CSGALNACT1: variants seen among roughly 807,000 people sequenced by gnomAD.
CSGALNACT1 encodes chondroitin sulfate N-acetylgalactosaminyltransferase 1.
CSGALNACT1 carries 52 observed loss-of-function variants against 51.0 expected under a neutral mutation model. That is an observed-to-expected ratio of 1.02 (90% CI 0.82 to 1.29). CSGALNACT1 has a LOEUF of 1.29. CSGALNACT1 is among the 50% of genes most tolerant of loss of function. CSGALNACT1 has a pLI of 0.00. For missense variants in CSGALNACT1, 935 were observed against 679.2 expected, an observed-to-expected ratio of 1.38 and a Z score of -4.19; for synonymous variants, 341 against 254.4, an observed-to-expected ratio of 1.34 and a Z score of -3.24.
At chr8:19,545,628 T>C (rs2086283132) in intron 3 of CSGALNACT1, among the ~76,000 whole-genome samples, 1 of 151,902 alleles carries the variant, frequency 6.6e-6, no homozygotes, top group Non-Finnish European at 1.5e-5. Flanking sequence ...AATGAATGAG[T>C]ATGCTAAAAA....
At chr8:19,424,456 C>T (rs927727129) in intron 6 of CSGALNACT1, among the ~76,000 whole-genome samples, 1 of 152,108 alleles carries the variant, frequency 6.6e-6, no homozygotes, top group Non-Finnish European at 1.5e-5. Context: ...CTGATAATTA[C>T]CAAGACCCTC....
intron 1 of CSGALNACT1, among the ~76,000 whole-genome samples, chr8:19,619,258 T>A (rs148356650): frequency 5.4e-5 from 5 of 92,654 alleles, no homozygotes; most frequent in East Asian, 4.4e-4. Flanking sequence ...CGGGGGGGGG[T>A]GGGCCTTGAA....
At chr8:19,508,788 T>A (rs938769837) in intron 3 of CSGALNACT1, among the ~76,000 whole-genome samples, 13 of 152,224 alleles carry the variant, frequency 8.5e-5, no homozygotes, top group African/African-American at 3.1e-4. Flanking sequence ...TCTAATAAAA[T>A]GGTTGTATTT....
Position 19,623,213 on chromosome 8 carries a change from T to C in CSGALNACT1, c.-543-21348A>G, listed in dbSNP as rs548749177. On this transcript the variant is annotated intron_variant, in intron 1 of 9. Coordinates refer to the CSGALNACT1 transcript ENST00000332246. ...AAGAACCACTGTCATCAGATTGATA[T>C]AGCAATTCTAAAGCTGTATGCATAT... 1.5e-3 allele frequency among the ~76,000 whole-genome samples: 222 copies of C among 152,300 alleles called. 2 individuals carry two copies. Among genetic ancestry groups the C allele is most frequent in the African/African-American group, 5.1e-3 (212 of 41,562 alleles).
chr8:19,658,648 C>T (rs1235889822), intron 1 of CSGALNACT1, among the ~76,000 whole-genome samples: 2 of 152,110 alleles, frequency 1.3e-5, no homozygotes, highest in African/African-American at 4.8e-5. Flanking sequence ...GCACGAGAAT[C>T]ACTTGAACCT....
intron 4 of CSGALNACT1, among the ~76,000 whole-genome samples, chr8:19,475,278 A>G (rs2153887626): frequency 6.6e-6 from 1 of 152,246 alleles, no homozygotes; most frequent in African/African-American, 2.4e-5. Context: ...ATGCAGTAAG[A>G]CCTGAAGCTG....
At chr8:19,442,561 G>T (rs1376863065) in intron 5 of CSGALNACT1, among the ~76,000 whole-genome samples, 1 of 146,626 alleles carries the variant, frequency 6.8e-6, no homozygotes, top group Non-Finnish European at 1.5e-5. Flanking sequence ...CACACTCTGG[G>T]GACTGTTGTG....
chr8:19,509,615 C>A (rs1374284905), intron 3 of CSGALNACT1, among the ~76,000 whole-genome samples: 1 of 104,266 alleles, frequency 9.6e-6, no homozygotes, highest in East Asian at 2.7e-4. Flanking sequence ...GTGCAAGACT[C>A]TGTCTCAAAA....
rs796252853 is a variant in CSGALNACT1 at position 19,487,186 on chromosome 8, C to T, written c.634+18015G>A. On this transcript the variant is annotated intron_variant, in intron 4 of 9. Transcript: ENST00000454498. ...AAGCTTTTGCTTTAACATTTACTCA[C>T]ATTCTGCTCCAGAGACTCATATGTC... Among the ~76,000 whole-genome samples the T allele has an allele frequency of 2.6e-5, 4 of 152,334 alleles. No individual in the cohort carries two copies. In the East Asian group the frequency reaches 5.8e-4, roughly 22 times the overall value.
intron 1 of CSGALNACT1, among the ~76,000 whole-genome samples, chr8:19,636,764 C>T (rs1003609943): frequency 1.3e-5 from 2 of 152,110 alleles, no homozygotes; most frequent in Admixed American, 6.5e-5. Flanking sequence ...TTCCTTCTCC[C>T]GAGTTTTGTA....
At chr8:19,586,373 A>T (rs1479042699) in intron 3 of CSGALNACT1, among the ~76,000 whole-genome samples, 1 of 151,494 alleles carries the variant, frequency 6.6e-6, no homozygotes, top group African/African-American at 2.4e-5. Flanking sequence ...AACACAAACA[A>T]AAACACAGTG....
intron 3 of CSGALNACT1, among the ~76,000 whole-genome samples, chr8:19,548,640 A>G (rs755238152): frequency 4.4e-4 from 67 of 152,342 alleles, no homozygotes; most frequent in Non-Finnish European, 2.1e-4. Context: ...GATTTATTTT[A>G]ACTTTTATCA....
intron 4 of CSGALNACT1, among the ~76,000 whole-genome samples, chr8:19,480,607 A>G (rs114022738): frequency 0.011 from 1,702 of 152,226 alleles, 32 homozygotes; most frequent in African/African-American, 0.039. Flanking sequence ...CAATAGAACA[A>G]TTTCTTTTCC....
At chr8:19,419,672 C>T (rs1388705645) in intron 7 of CSGALNACT1, among the ~76,000 whole-genome samples, 1 of 152,180 alleles carries the variant, frequency 6.6e-6, no homozygotes, top group Non-Finnish European at 1.5e-5. Context: ...TCCAGCTCCA[C>T]CTCCTCCCCA....
At position 19,568,858 on chromosome 8, in the gene CSGALNACT1, A is replaced by G. The variant is rs1357044706; in HGVS notation, c.-297+22302T>C. Among the ~76,000 whole-genome samples the G allele has an allele frequency of 1.3e-5, 2 of 152,154 alleles. 1 individual carries two copies. Among genetic ancestry groups the G allele is most frequent in the South Asian group, 4.1e-4 (2 of 4,828 alleles). On this transcript the variant is annotated intron_variant, in intron 3 of 9. Coordinates refer to ENST00000454498, the Ensembl canonical transcript of CSGALNACT1. ...AATAGACAGCTTTTTATATGGGGATATTTATCAAGACTTCCTTTCAAAATT... is the reference window on the plus strand; with the variant it reads ...AATAGACAGCTTTTTATATGGGGATGTTTATCAAGACTTCCTTTCAAAATT...
chr8:19,538,209 G>C (rs2084219086), intron 3 of CSGALNACT1, among the ~76,000 whole-genome samples: 1 of 152,022 alleles, frequency 6.6e-6, no homozygotes, highest in African/African-American at 2.4e-5. Context: ...TGTGCCTGTA[G>C]TCCCCTAGCT....
chr8:19,576,156 A>T (rs2044158531), intron 3 of CSGALNACT1, among the ~76,000 whole-genome samples: 1 of 152,072 alleles, frequency 6.6e-6, no homozygotes, highest in African/African-American at 2.4e-5. Flanking sequence ...TTCCCTCAGT[A>T]GTGAGCAGTC....
intron 1 of CSGALNACT1, among the ~76,000 whole-genome samples, chr8:19,705,068 A>G (rs1006541374): frequency 2.0e-5 from 3 of 152,238 alleles, no homozygotes; most frequent in Non-Finnish European, 2.9e-5. Context: ...CTAAGAGGGT[A>G]GATCTTAAGT....
At chr8:19,526,680 C>T (rs1355696809) in intron 3 of CSGALNACT1, among the ~76,000 whole-genome samples, 4 of 151,994 alleles carry the variant, frequency 2.6e-5, no homozygotes, top group Non-Finnish European at 5.9e-5. Context: ...AATCCAATGG[C>T]GATCAATCAG....
Sources: gnomAD v4.1 joint callset for allele counts (sites outside exome capture counted in the v4.1 genomes callset) on GRCh38, gnomAD v4.1.1 for gene constraint, MANE v1.5 for transcripts, NCBI Gene and HGNC (gene_info 2026-07-23, HGNC 2026-07-21) for gene names.